Variants in SLC2A7 observed in about 807,000 individuals in gnomAD.
SLC2A7 encodes solute carrier family 2, facilitated glucose transporter member 7.
In SLC2A7, 50 loss-of-function variants were observed where a neutral mutation model predicts 50.5. The observed-to-expected ratio is 0.99, with a 90% CI of 0.79 to 1.25. SLC2A7 has a LOEUF of 1.25. Among genes scored for constraint, SLC2A7 ranks in the 50% most tolerant of loss-of-function variants. SLC2A7 has a pLI of 0.00. For missense variants in SLC2A7, 683 were observed against 679.1 expected (o/e 1.01, Z -0.06); for synonymous variants, 308 against 300.4 (o/e 1.03, Z -0.26).
At chr1:9,023,110 A>G (rs752522058) in intron 2 of SLC2A7, 32 bp from the exon 3 acceptor site, 2 of 1,601,378 alleles carry the variant, frequency 1.2e-6, no homozygotes, top group Admixed American at 3.4e-5. Flanking sequence ...ACAGCTAAGA[A>G]TATTGGGCAG....
At chr1:9,009,008 G>A (rs532065632) in intron 9 of SLC2A7, among the ~76,000 whole-genome samples, 1 of 152,186 alleles carries the variant, frequency 6.6e-6, no homozygotes, top group Non-Finnish European at 1.5e-5. Flanking sequence ...TTTCCCCGCA[G>A]GCCCTGGCCT....
At chr1:9,000,745 G>GGTGTGTGTGTGTGTGTGTGT (rs56985979), downstream of SLC2A7, among the ~76,000 whole-genome samples, 55 of 142,190 alleles carry the variant, frequency 3.9e-4, no homozygotes, top group African/African-American at 1.2e-3. Flanking sequence ...TGACTTTCCT[G>GGTGTGTGTGTGTGTGTGTGT]GTGTGTGTGT....
At chr1:9,002,433 G>A (rs761915677), downstream of SLC2A7, among the ~76,000 whole-genome samples, 16 of 152,286 alleles carry the variant, frequency 1.1e-4, no homozygotes, top group Non-Finnish European at 1.8e-4. Flanking sequence ...CGGCAATACT[G>A]CTCTTTACTA....
rs561109728 is a variant in SLC2A7 at position 9,014,234 on chromosome 1, C to A, written c.903+447G>T. 2.1e-4 allele frequency among the ~76,000 whole-genome samples: 32 copies of A among 152,364 alleles called. No individual in the cohort carries two copies. The South Asian group carries it at 6.2e-3, about 30-fold the overall frequency. On this transcript the variant is annotated intron_variant, in intron 7 of 11. Coordinates refer to ENST00000400906, the MANE Select transcript of SLC2A7 (RefSeq NM_207420.3). ...GTTTTAGCTTCTGTCAGATCTCCAC[C>A]CTTCCCTCACACCATGGTTAGATAC... is the stretch of plus-strand genomic sequence containing the variant.
intron 6 of SLC2A7, 103 bp from the exon 7 acceptor site, chr1:9,014,971 G>A (rs1640806932): frequency 6.6e-6 from 10 of 1,504,518 alleles, no homozygotes; most frequent in Admixed American, 2.1e-5. Flanking sequence ...CCTGACCTTG[G>A]TTGTGCCCCA....
chr1:9,004,724 GC>G, intron 11 of SLC2A7, 27 bp downstream of exon 11: 1 of 1,613,118 alleles, frequency 6.2e-7, no homozygotes, highest in Non-Finnish European at 8.5e-7. Context: ...GCCCGGTGGA[GC>G]GGGTTGGGGA....
chr1:9,007,599 G>A lies in SLC2A7; in HGVS notation c.1117-214C>T, dbSNP rs1043797904. 3.3e-5 allele frequency among the ~76,000 whole-genome samples: 5 copies of A among 152,216 alleles called. No homozygotes were observed. In the South Asian group the frequency reaches 6.2e-4, roughly 19 times the overall value. On this transcript the variant is annotated intron_variant, in intron 9 of 11. Transcript: ENST00000400906. ...AGGGCTCCCTCCAGCCTCACCTGAT[G>A]AGCGTCATGGAGAACGAGGGGCATC... is the stretch of plus-strand genomic sequence containing the variant.
intron 2 of SLC2A7, among the ~76,000 whole-genome samples, chr1:9,023,378 C>A (rs1390671261): frequency 6.6e-6 from 1 of 152,122 alleles, no homozygotes; most frequent in African/African-American, 2.4e-5. Flanking sequence ...GAGGTTGAGG[C>A]GGGCAGATCA....
At chr1:9,014,473 G>C (rs1206035511) in intron 7 of SLC2A7, among the ~76,000 whole-genome samples, 1 of 152,206 alleles carries the variant, frequency 6.6e-6, no homozygotes, top group Non-Finnish European at 1.5e-5. Flanking sequence ...CTGGGGACTG[G>C]GAAACAGAGA....
In SLC2A7 at chr1:9,019,248, G is replaced by T. The variant is rs374374758; in HGVS notation, c.397C>A (p.Leu133Met). The change falls in exon 4 of 12, where the codon CTG becomes ATG. Residue 133 changes from leucine (L) to methionine (M), a missense_variant. By Grantham distance (15) the Leu-to-Met change is conservative (BLOSUM62 2). Coordinates refer to ENST00000400906, the MANE Select transcript of SLC2A7 (RefSeq NM_207420.3). The part of the protein sequence containing the change: ...GVSKVAKAFE[L>M]IVFSRVVLGV... ...AGCACCACTCGGGAAAAGACGATCA[G>T]CTCAAAAGCCTTGGCCACTTTGCTG... 3 of 1,614,116 alleles carry T rather than the reference G, an allele frequency of 1.9e-6. No homozygotes were observed. Among genetic ancestry groups the T allele is most frequent in the Non-Finnish European group, 1.7e-6 (2 of 1,179,996 alleles).
At chr1:9,016,506 A>G (rs1289420153) in intron 5 of SLC2A7, among the ~76,000 whole-genome samples, 2 of 152,002 alleles carry the variant, frequency 1.3e-5, no homozygotes, top group Non-Finnish European at 2.9e-5. Context: ...CAACTTGGGA[A>G]GCTGAAGTGG....
chr1:9,023,523 C>T (rs1640945621), intron 2 of SLC2A7, among the ~76,000 whole-genome samples: 1 of 151,920 alleles, frequency 6.6e-6, no homozygotes, highest in Non-Finnish European at 1.5e-5. Flanking sequence ...AGGAGAATGG[C>T]GTGAACCTGG....
intron 10 of SLC2A7, 21 bp from the exon 11 acceptor site, chr1:9,004,900 G>C (rs1483359624): frequency 6.2e-7 from 1 of 1,610,050 alleles, no homozygotes; most frequent in East Asian, 2.2e-5. Flanking sequence ...GAGCAGGATG[G>C]GTGGGGCGGA....
intron 1 of SLC2A7, 150 bp downstream of exon 1, chr1:9,026,145 C>T: frequency 2.3e-6 from 2 of 852,434 alleles, no homozygotes; most frequent in Non-Finnish European, 1.9e-6. Flanking sequence ...TGCTTCTCCA[C>T]ATGGCTCTCC....
At chr1:9,007,946 G>A (rs371714342) in intron 9 of SLC2A7, among the ~76,000 whole-genome samples, 1 of 152,096 alleles carries the variant, frequency 6.6e-6, no homozygotes, top group East Asian at 2.0e-4. Context: ...AGCACAGAGG[G>A]CCCTGAATAC....
In SLC2A7 at chr1:9,013,639, A is replaced by T; in HGVS notation, c.904-4T>A. The T allele has an allele frequency of 6.2e-7, 1 of 1,613,140 alleles. No individual in the cohort carries two copies. Among genetic ancestry groups the T allele is most frequent in the South Asian group, 1.1e-5 (1 of 90,932 alleles). ...TGGTGTCCGCATAGTAGTTGATCTA[A>T]ACAAAAACACAGGGCTGTCAGGACA... is the stretch of plus-strand genomic sequence containing the variant. On this transcript the variant is annotated splice_polypyrimidine_tract_variant and splice_region_variant and intron_variant, in intron 7 of 11. Transcript: ENST00000400906.
chr1:9,020,243 G>A (rs756713718), intron 3 of SLC2A7, among the ~76,000 whole-genome samples: 1 of 152,162 alleles, frequency 6.6e-6, no homozygotes, highest in African/African-American at 2.4e-5. Flanking sequence ...AACAAAGAAT[G>A]GGCTGTCCCA....
rs943238070 is a variant in SLC2A7 at position 9,010,239 on chromosome 1, G to T, written c.1020C>A (p.Val340=). Residue 340 remains valine (V), a synonymous_variant, in exon 9 of 12, where the codon GTC becomes GTA. Coordinates refer to ENST00000400906, the MANE Select transcript of SLC2A7 (RefSeq NM_207420.3). The part of the protein sequence containing the change: ...VNIVMTITSA[V]LVERLGRRHL... ...GCCGCCGTCCCAGCCGCTCCACAAG[G>T]ACAGCCTGGAGGGGAAGGGGGACAG... is the stretch of plus-strand genomic sequence containing the variant. 1.3e-6 allele frequency: 2 copies of T among 1,550,786 alleles called. No homozygotes were observed. The highest frequency in any genetic ancestry group is 2.7e-5 in the African/African-American group (2 of 73,052).
intron 11 of SLC2A7, 96 bp downstream of exon 11, chr1:9,004,656 A>G (rs763950075): frequency 5.1e-5 from 75 of 1,480,544 alleles, no homozygotes; most frequent in Non-Finnish European, 6.4e-5. Context: ...GCCTGTCCCC[A>G]CCTTGCTGGA....
Sources: allele counts gnomAD v4.1 joint callset (sites outside exome capture counted in the v4.1 genomes callset), GRCh38; gene constraint gnomAD v4.1.1; transcripts MANE v1.5; gene names NCBI Gene and HGNC (gene_info 2026-07-23, HGNC 2026-07-21).